Variants in NRIP1 observed in about 807,000 individuals in gnomAD.
NRIP1 encodes the protein nuclear receptor interacting protein 1, also known as nuclear receptor-interacting protein 1.
A neutral mutation model predicts 75.0 loss-of-function variants in NRIP1; 28 were observed. That is an observed-to-expected ratio of 0.37 (90% CI 0.28 to 0.51). The LOEUF (loss-of-function observed/expected upper bound fraction) is 0.51, where lower values mean the gene tolerates loss of function less well. Ranked by LOEUF, NRIP1 falls within the 20% of genes least tolerant of loss-of-function variation. NRIP1 has a pLI of 0.92. For synonymous variants in NRIP1, 526 were observed against 487.6 expected (o/e 1.08, Z -1.04); for missense variants, 1,435 against 1,343.7 (o/e 1.07, Z -1.06).
At chr21:14,981,079 C>G (rs2087220014) in intron 3 of NRIP1, among the ~76,000 whole-genome samples, 1 of 152,050 alleles carries the variant, frequency 6.6e-6, no homozygotes, top group African/African-American at 2.4e-5. Flanking sequence ...TGTGAAGAGT[C>G]AATAAATCTG....
At chr21:15,006,955 G>C (rs759816973) in intron 3 of NRIP1, among the ~76,000 whole-genome samples, 8 of 152,188 alleles carry the variant, frequency 5.3e-5, no homozygotes, top group Non-Finnish European at 1.0e-4. Flanking sequence ...GGTAGTCAGT[G>C]ATGGTTAAAA....
At chr21:15,040,675 A>C (rs936813653) in intron 2 of NRIP1, among the ~76,000 whole-genome samples, 1 of 152,120 alleles carries the variant, frequency 6.6e-6, no homozygotes, top group East Asian at 1.9e-4. Flanking sequence ...TCATACGATC[A>C]TAAGTACATA....
In NRIP1 at chr21:14,986,324, A is replaced by G. The variant is rs552155534; in HGVS notation, c.-334-17798T>C. ...CTGAAACCTGAAAAACTAAAAACCA[A>G]TTCAACAACAACAACCATTACCCAA... On this transcript the variant is annotated intron_variant, in intron 3 of 3. Transcript: ENST00000318948. 2.6e-4 allele frequency among the ~76,000 whole-genome samples: 39 copies of G among 152,218 alleles called. 1 individual carries two copies. The highest frequency in any genetic ancestry group is 3.1e-4 in the Non-Finnish European group (21 of 68,022).
intron 2 of NRIP1, among the ~76,000 whole-genome samples, chr21:15,026,824 C>CA (rs1386406479): frequency 6.6e-6 from 1 of 151,802 alleles, no homozygotes; most frequent in African/African-American, 2.4e-5. Context: ...AAATAAATTT[C>CA]AAAAAACCAA....
chr21:15,008,104 C>T (rs1357700094), intron 3 of NRIP1, among the ~76,000 whole-genome samples: 5 of 148,340 alleles, frequency 3.4e-5, no homozygotes, highest in Non-Finnish European at 6.0e-5. Flanking sequence ...CTGACTGTCC[C>T]GCTGAGACCT....
At chr21:14,992,394 C>T (rs1253513274) in intron 3 of NRIP1, 1 of 152,174 alleles carries the variant, frequency 6.6e-6, no homozygotes, top group Admixed American at 6.5e-5. Flanking sequence ...ATCACTTAAA[C>T]AATGTAACTT....
Position 14,964,783 on chromosome 21 carries a change from T to C in NRIP1, c.3410A>G (p.His1137Arg), listed in dbSNP as rs1351542361. ...TCCATAAACTTCTCCATTTGCGCTGTGTGGGCGAGAAGCATTATTTCCCAT... is the reference window on the plus strand; with the variant it reads ...TCCATAAACTTCTCCATTTGCGCTGCGTGGGCGAGAAGCATTATTTCCCAT... ...SHMGNNASRPHSANGEVYGLL... is the reference protein window; with the variant it reads ...SHMGNNASRPRSANGEVYGLL... The change falls in exon 4 of 4, where the codon CAC becomes CGC. Residue 1137 changes from histidine to arginine, a missense_variant. Physicochemically the swap from His to Arg is conservative, Grantham distance 29 (BLOSUM62 0). Transcript: ENST00000318948. The C allele has an allele frequency of 6.2e-7, 1 of 1,605,238 alleles. No individual in the cohort carries two copies. The highest frequency in any genetic ancestry group is 8.5e-7 in the Non-Finnish European group (1 of 1,177,318).
chr21:14,979,145 A>G (rs576669469), intron 3 of NRIP1, among the ~76,000 whole-genome samples: 6 of 152,208 alleles, frequency 3.9e-5, no homozygotes, highest in Non-Finnish European at 7.3e-5. Context: ...TTGGCAGCAC[A>G]TAAGTATAAG....
chr21:14,970,072 G>C (rs2086862155), intron 3 of NRIP1, among the ~76,000 whole-genome samples: 1 of 152,174 alleles, frequency 6.6e-6, no homozygotes, highest in Admixed American at 6.5e-5. Context: ...TTTTCAGGGA[G>C]TAGGGAGGTA....
intron 3 of NRIP1, among the ~76,000 whole-genome samples, chr21:14,991,832 A>G (rs2087580565): frequency 6.6e-6 from 1 of 152,224 alleles, no homozygotes; most frequent in Non-Finnish European, 1.5e-5. Flanking sequence ...ACCCAGGCAT[A>G]TGATAAAGAT....
At chr21:15,022,405 G>A (rs973584072) in intron 2 of NRIP1, among the ~76,000 whole-genome samples, 43 of 152,126 alleles carry the variant, frequency 2.8e-4, no homozygotes, top group African/African-American at 9.2e-4. Flanking sequence ...TGGGGGGAGG[G>A]AGAGCATCAG....
chr21:15,003,026 A>C (rs2087885014), intron 3 of NRIP1, among the ~76,000 whole-genome samples: 1 of 152,216 alleles, frequency 6.6e-6, no homozygotes, highest in African/African-American at 2.4e-5. Context: ...TGGTATGGTT[A>C]ATCTTATAAA....
Position 14,967,996 on chromosome 21 carries a change from G to A in NRIP1, c.197C>T (p.Pro66Leu), listed in dbSNP as rs1366986334. The change falls in exon 4 of 4, where the codon CCA (proline) becomes CTA (leucine). Residue 66 changes from proline to leucine, a missense_variant. Coordinates refer to ENST00000318948, the MANE Select transcript of NRIP1 (RefSeq NM_003489.4). ...CTGATATGTATGTGTATTGAGAACT[G>A]GACCATTACTTTGACAGGTGGGAAA... ...SAFPTCQSNG[P>L]VLNTHTYQGS... is the part of the protein sequence containing the mutation. 1 of 1,613,854 alleles carries A rather than the reference G, an allele frequency of 6.2e-7. No individual in the cohort carries two copies. The highest frequency in any genetic ancestry group is 8.5e-7 in the Non-Finnish European group (1 of 1,179,996).
chr21:15,030,914 T>C (rs940506098), intron 2 of NRIP1, among the ~76,000 whole-genome samples: 666 of 123,326 alleles, frequency 5.4e-3, no homozygotes, highest in African/African-American at 0.018. Flanking sequence ...CCACATTCCC[T>C]TTCTATGTGT....
At position 15,032,522 on chromosome 21, in the gene NRIP1, C is replaced by T. The variant is rs543953942; in HGVS notation, c.-458+10973G>A. On this transcript the variant is annotated intron_variant, in intron 2 of 3. Transcript: ENST00000318948. Reference sequence around the variant, plus strand: ...TAAAAAAAAAAACCGTTCGAAGTCACTGAAAAAAAGTAGGTATTTCCTTCA... The same window carrying T: ...TAAAAAAAAAAACCGTTCGAAGTCATTGAAAAAAAGTAGGTATTTCCTTCA... 2.0e-5 allele frequency among the ~76,000 whole-genome samples: 3 copies of T among 151,564 alleles called. No individual in the cohort carries two copies. The East Asian group carries it at 5.8e-4, about 29-fold the overall frequency.
intron 3 of NRIP1, among the ~76,000 whole-genome samples, chr21:14,976,475 A>G (rs2087071693): frequency 6.6e-6 from 1 of 152,164 alleles, no homozygotes; most frequent in Non-Finnish European, 1.5e-5. Context: ...AAAGTACAGA[A>G]CTAAGTGATA....
chr21:15,027,350 T>C (rs906130902), intron 2 of NRIP1, among the ~76,000 whole-genome samples: 1 of 152,214 alleles, frequency 6.6e-6, no homozygotes, highest in Non-Finnish European at 1.5e-5. Context: ...AAGGGTTACT[T>C]ACATAACAGA....
At position 14,967,327 on chromosome 21, in the gene NRIP1, T is replaced by G. The variant is rs1238157696; in HGVS notation, c.866A>C (p.Asn289Thr). 12 of 1,614,082 alleles carry G rather than the reference T, an allele frequency of 7.4e-6. No homozygotes were observed. The highest frequency in any genetic ancestry group is 1.0e-5 in the Non-Finnish European group (12 of 1,179,994). ...YSREHALKTQ[N>T]ANQAASERLA... Reference sequence around the variant, plus strand: ...TCTTTCACTTGCTGCTTGATTTGCATTTTGCGTTTTTAAAGCGTGTTCTCG... The same window carrying G: ...TCTTTCACTTGCTGCTTGATTTGCAGTTTGCGTTTTTAAAGCGTGTTCTCG... Residue 289 changes from asparagine (N) to threonine (T), a missense_variant, in exon 4 of 4, where the codon AAT becomes ACT. Physicochemically the swap from Asn to Thr is moderately conservative, Grantham distance 65 (BLOSUM62 0). Transcript: ENST00000318948.
chr21:15,050,584 A>C (rs778631521), intron 1 of NRIP1: 2 of 367,000 alleles, frequency 5.4e-6, no homozygotes, highest in Non-Finnish European at 1.1e-5. Context: ...ACAACTTTCA[A>C]TGAAGAAAGA....
Sources: allele counts gnomAD v4.1 joint callset (sites outside exome capture counted in the v4.1 genomes callset), GRCh38; gene constraint gnomAD v4.1.1; transcripts MANE v1.5; gene names NCBI Gene and HGNC (gene_info 2026-07-23, HGNC 2026-07-21).